Variants in TENM2 observed in about 807,000 individuals in gnomAD.
The protein encoded by TENM2 is teneurin-2.
In TENM2, 52 loss-of-function variants were observed where a neutral mutation model predicts 245.2. The observed-to-expected ratio is 0.21, with a 90% CI of 0.17 to 0.27. The LOEUF is 0.27. TENM2 is among the 10% of genes least tolerant of loss of function. The pLI, the probability that TENM2 is intolerant of heterozygous loss-of-function variation, is 1.00. For synonymous variants in TENM2, 1,363 were observed against 1,438.9 expected (o/e 0.95, Z 1.19); for missense variants, 3,046 against 3,666.8 (o/e 0.83, Z 4.37).
chr5:167,614,714 G>A (rs1390261867), intron 2 of TENM2, among the ~76,000 whole-genome samples: 4 of 152,224 alleles, frequency 2.6e-5, no homozygotes, highest in African/African-American at 7.2e-5. Context: ...GAGCAAGAAT[G>A]TGTGGCCTAC....
At chr5:167,382,785 A>G (rs1472425080) in intron 2 of TENM2, among the ~76,000 whole-genome samples, 1 of 152,162 alleles carries the variant, frequency 6.6e-6, no homozygotes, top group Non-Finnish European at 1.5e-5. Context: ...AGTTTTGGGA[A>G]GTATTTTTTG....
At chr5:167,138,567 A>G in the TENM2 span, among the ~76,000 whole-genome samples, 1 of 152,172 alleles carries the variant, frequency 6.6e-6, no homozygotes, top group African/African-American at 2.4e-5. Flanking sequence ...TTTTTCATCT[A>G]TAAAGTGGGT....
At chr5:167,626,961 G>A (rs966525904) in intron 2 of TENM2, among the ~76,000 whole-genome samples, 1 of 152,170 alleles carries the variant, frequency 6.6e-6, no homozygotes, top group Admixed American at 6.5e-5. Flanking sequence ...TTTCTGATTA[G>A]AGTTGTCCTC....
At chr5:168,242,913 C>T (rs993173948) in intron 25 of TENM2, among the ~76,000 whole-genome samples, 6 of 151,422 alleles carry the variant, frequency 4.0e-5, no homozygotes, top group South Asian at 2.1e-4. Context: ...GCTGAGATTG[C>T]ACCACTGCAC....
At chr5:167,049,565 T>C in the TENM2 span, among the ~76,000 whole-genome samples, 1 of 152,226 alleles carries the variant, frequency 6.6e-6, no homozygotes, top group Non-Finnish European at 1.5e-5. Flanking sequence ...AAAATCTTTA[T>C]ATGAGTTTTC....
At chr5:167,416,894 A>C (rs1346088942) in intron 2 of TENM2, among the ~76,000 whole-genome samples, 1 of 152,186 alleles carries the variant, frequency 6.6e-6, no homozygotes, top group Non-Finnish European at 1.5e-5. Flanking sequence ...ATTTGATTAC[A>C]GATGATTGTT....
intron 2 of TENM2, among the ~76,000 whole-genome samples, chr5:167,859,695 C>T (rs1308276624): frequency 2.0e-5 from 2 of 102,124 alleles, no homozygotes; most frequent in Non-Finnish European, 3.9e-5. Context: ...AGTGAGGAGC[C>T]CCTCTGCCCG....
Position 167,863,458 on chromosome 5 carries a change from TACACACACACAC to T in TENM2, c.503-12506_503-12495del, listed in dbSNP as rs35475369. Reference sequence around the variant, plus strand: ...GGTGAAATCCTGTCTCTACTAAAAATACACACACACACACACACACACACACACACACAAAAT... The same window carrying T: ...GGTGAAATCCTGTCTCTACTAAAAATACACACACACACACACACACAAAAT... On this transcript the variant is annotated intron_variant, in intron 2 of 28. Transcript: ENST00000518659. 2.2e-3 allele frequency among the ~76,000 whole-genome samples: 322 copies of T among 143,338 alleles called. 1 individual carries two copies. The highest frequency in any genetic ancestry group is 3.1e-3 in the Non-Finnish European group (205 of 65,178). 94.0% of individuals were successfully genotyped at this position (143,338 alleles called of 152,430 possible).
intron 2 of TENM2, among the ~76,000 whole-genome samples, chr5:167,642,471 G>C (rs918054871): frequency 7.9e-5 from 12 of 152,136 alleles, no homozygotes; most frequent in Non-Finnish European, 1.8e-4. Context: ...CACACAAGTA[G>C]ACTCCTTTTC....
At chr5:167,234,688 A>T in the TENM2 span, among the ~76,000 whole-genome samples, 1 of 152,196 alleles carries the variant, frequency 6.6e-6, no homozygotes, top group Non-Finnish European at 1.5e-5. Flanking sequence ...TCTCTGATAC[A>T]TTTCAAAACA....
chr5:167,608,023 C>T (rs1255102213), intron 2 of TENM2, among the ~76,000 whole-genome samples: 2 of 152,136 alleles, frequency 1.3e-5, no homozygotes, highest in East Asian at 3.9e-4. Flanking sequence ...AGACCACATC[C>T]TAGCATGTGA....
chr5:167,080,736 C>T, the TENM2 span, among the ~76,000 whole-genome samples: 2 of 151,980 alleles, frequency 1.3e-5, no homozygotes, highest in Non-Finnish European at 2.9e-5. Flanking sequence ...ATCCAAATGT[C>T]GAAGTGCTGT....
the TENM2 span, among the ~76,000 whole-genome samples, chr5:167,229,469 G>T: frequency 5.3e-3 from 807 of 152,314 alleles, 11 homozygotes; most frequent in African/African-American, 0.018. Context: ...CAGTGGTATG[G>T]TATAACAAAC....
At chr5:167,899,472 C>T (rs900473605) in intron 3 of TENM2, among the ~76,000 whole-genome samples, 2 of 152,250 alleles carry the variant, frequency 1.3e-5, no homozygotes. Context: ...GTGCCACGCT[C>T]CTGGCCAAGT....
intron 1 of TENM2, among the ~76,000 whole-genome samples, chr5:167,360,668 A>G (rs1759659779): frequency 6.6e-6 from 1 of 152,180 alleles, no homozygotes; most frequent in Non-Finnish European, 1.5e-5. Context: ...ATTACTCTGC[A>G]CAATTTTCTA....
At chr5:167,081,644 A>G in the TENM2 span, among the ~76,000 whole-genome samples, 3 of 152,232 alleles carry the variant, frequency 2.0e-5, no homozygotes, top group Admixed American at 6.5e-5. Context: ...ACTGCAGAAT[A>G]ATAAGGCCTG....
chr5:168,092,231 G>A (rs1263552668), intron 8 of TENM2, among the ~76,000 whole-genome samples: 1 of 152,172 alleles, frequency 6.6e-6, no homozygotes, highest in Non-Finnish European at 1.5e-5. Flanking sequence ...ACTGACCATG[G>A]GATTCAAGTC....
rs905804130 is a variant in TENM2 at position 167,781,102 on chromosome 5, G to A, written c.503-94884G>A. On this transcript the variant is annotated intron_variant, in intron 2 of 28. Coordinates refer to ENST00000518659, the Ensembl canonical transcript of TENM2. ...GAGGTGGGAGGATCATTTAAGCTCA[G>A]GAGTTCAAGACCAGTCTGGGCAACA... Among the ~76,000 whole-genome samples, 8 of 152,252 alleles carry A rather than the reference G, an allele frequency of 5.3e-5. No individual in the cohort carries two copies. The East Asian group carries it at 1.5e-3, about 29-fold the overall frequency.
chr5:167,320,458 G>A (rs1356643179), intron 1 of TENM2, among the ~76,000 whole-genome samples: 1 of 152,130 alleles, frequency 6.6e-6, no homozygotes, highest in Admixed American at 6.5e-5. Context: ...CTTTTCTTTT[G>A]ATAGACACAG....
Sources: allele counts gnomAD v4.1 joint callset (sites outside exome capture counted in the v4.1 genomes callset), GRCh38; gene constraint gnomAD v4.1.1; transcripts MANE v1.5; gene names NCBI Gene and HGNC (gene_info 2026-07-23, HGNC 2026-07-21).